The following ANKS1B variants were observed in gnomAD, a reference collection of about 807,000 sequenced individuals.
ANKS1B encodes ankyrin repeat and sterile alpha motif domain-containing protein 1B.
ANKS1B carries 36 observed loss-of-function variants against 148.3 expected under a neutral mutation model. The ratio of observed to expected loss-of-function variants is 0.24; its 90% CI spans 0.19 to 0.32. ANKS1B has a LOEUF of 0.32. Ranked by LOEUF, ANKS1B falls within the 10% of genes least tolerant of loss-of-function variation. ANKS1B has a pLI of 1.00. For missense variants in ANKS1B, 1,157 were observed against 1,542.6 expected (o/e 0.75, Z 4.19); for synonymous variants, 542 against 560.8 (o/e 0.97, Z 0.47).
chr12:99,275,918 G>T (rs1268828072), intron 12 of ANKS1B, among the ~76,000 whole-genome samples: 1 of 152,112 alleles, frequency 6.6e-6, no homozygotes, highest in Non-Finnish European at 1.5e-5. Context: ...TAAAAGAAAA[G>T]AAATGATTTT....
intron 16 of ANKS1B, among the ~76,000 whole-genome samples, chr12:99,077,970 A>G (rs929998535): frequency 5.9e-5 from 9 of 152,188 alleles, no homozygotes; most frequent in Non-Finnish European, 1.2e-4. Context: ...CTGGCCCCCA[A>G]TGCTTTGTTT....
chr12:99,830,236 A>T (rs1020319996), intron 1 of ANKS1B, among the ~76,000 whole-genome samples: 1 of 152,212 alleles, frequency 6.6e-6, no homozygotes, highest in Non-Finnish European at 1.5e-5. Flanking sequence ...AAAAATATAT[A>T]CAGATAAATT....
chr12:99,767,530 A>C (rs932154992), intron 8 of ANKS1B, among the ~76,000 whole-genome samples: 2 of 152,178 alleles, frequency 1.3e-5, no homozygotes, highest in African/African-American at 4.8e-5. Flanking sequence ...TTGTTTATAC[A>C]CATGGAGGAA....
chr12:98,767,146 G>A (rs961641802), intron 25 of ANKS1B, among the ~76,000 whole-genome samples: 1 of 152,058 alleles, frequency 6.6e-6, no homozygotes, highest in African/African-American at 2.4e-5. Context: ...TTAAACTGAT[G>A]AGAAAACCAA....
At chr12:99,515,908 G>A (rs982154309) in intron 9 of ANKS1B, among the ~76,000 whole-genome samples, 1 of 152,080 alleles carries the variant, frequency 6.6e-6, no homozygotes, top group Non-Finnish European at 1.5e-5. Context: ...TGTCTCTGAC[G>A]ATCAGTGATG....
At chr12:99,435,938 G>A (rs932156493) in intron 11 of ANKS1B, among the ~76,000 whole-genome samples, 3 of 151,926 alleles carry the variant, frequency 2.0e-5, no homozygotes, top group Non-Finnish European at 2.9e-5. Flanking sequence ...ATTTGTCAAC[G>A]TTGACTGTTG....
At chr12:99,005,285 T>C (rs534884248) in intron 17 of ANKS1B, among the ~76,000 whole-genome samples, 1 of 152,090 alleles carries the variant, frequency 6.6e-6, no homozygotes, top group South Asian at 2.1e-4. Flanking sequence ...GTCGCTGTTG[T>C]TGCTGTGGCC....
intron 17 of ANKS1B, among the ~76,000 whole-genome samples, chr12:99,006,206 C>T (rs1443801686): frequency 6.6e-6 from 1 of 152,232 alleles, no homozygotes; most frequent in Non-Finnish European, 1.5e-5. Flanking sequence ...AAGTTTATTT[C>T]TGTAACTTAT....
At chr12:99,470,239 G>T (rs2096218464) in intron 10 of ANKS1B, among the ~76,000 whole-genome samples, 1 of 151,850 alleles carries the variant, frequency 6.6e-6, no homozygotes, top group Non-Finnish European at 1.5e-5. Flanking sequence ...TTTCATTATG[G>T]TATACTGTAT....
At chr12:98,929,952 A>G (rs1240855551) in intron 17 of ANKS1B, among the ~76,000 whole-genome samples, 1 of 152,148 alleles carries the variant, frequency 6.6e-6, no homozygotes, top group African/African-American at 2.4e-5. Context: ...CATCAAAATT[A>G]AAAACTTTTT....
At chr12:99,274,661 A>G (rs2077462992) in intron 12 of ANKS1B, among the ~76,000 whole-genome samples, 2 of 152,152 alleles carry the variant, frequency 1.3e-5, no homozygotes, top group Admixed American at 1.3e-4. Flanking sequence ...TCTGCCTGCT[A>G]CTTGGTTCAA....
At chr12:99,528,302 A>C (rs890860289) in intron 9 of ANKS1B, among the ~76,000 whole-genome samples, 8 of 152,112 alleles carry the variant, frequency 5.3e-5, no homozygotes, top group African/African-American at 9.7e-5. Context: ...ACCACTCTGG[A>C]CATAGAACTA....
intron 12 of ANKS1B, among the ~76,000 whole-genome samples, chr12:99,320,748 C>G (rs1327445984): frequency 1.3e-5 from 2 of 152,176 alleles, no homozygotes; most frequent in South Asian, 2.1e-4. Flanking sequence ...TGGCAAGGAG[C>G]TGTGTTCCTT....
intron 8 of ANKS1B, among the ~76,000 whole-genome samples, chr12:99,663,477 C>T (rs1333817023): frequency 2.0e-5 from 3 of 152,132 alleles, no homozygotes; most frequent in Admixed American, 6.5e-5. Context: ...ACCATTTGTT[C>T]CATGTTAGTA....
At chr12:99,466,230 T>C (rs183128228) in intron 10 of ANKS1B, among the ~76,000 whole-genome samples, 1 of 152,270 alleles carries the variant, frequency 6.6e-6, no homozygotes, top group Non-Finnish European at 1.5e-5. Context: ...AAGAAGGTCT[T>C]TGAAACCAAC....
intron 8 of ANKS1B, among the ~76,000 whole-genome samples, chr12:99,749,308 T>C (rs1182474965): frequency 1.3e-5 from 2 of 152,014 alleles, no homozygotes; most frequent in Non-Finnish European, 2.9e-5. Flanking sequence ...TTGGCCAGGA[T>C]TATTAAGCAA....
At chr12:99,896,590 T>G (rs923821521) in intron 1 of ANKS1B, among the ~76,000 whole-genome samples, 19 of 151,232 alleles carry the variant, frequency 1.3e-4, no homozygotes, top group African/African-American at 4.6e-4. Context: ...CCATCTCTGG[T>G]GCAAATTCCA....
At chr12:99,592,247 C>T (rs752132078) in intron 9 of ANKS1B, among the ~76,000 whole-genome samples, 42 of 152,014 alleles carry the variant, frequency 2.8e-4, no homozygotes, top group Non-Finnish European at 2.5e-4. Flanking sequence ...ACACGAAATG[C>T]TCTTTATTTT....
At chr12:99,393,664 A>C (rs2094150062) in intron 12 of ANKS1B, among the ~76,000 whole-genome samples, 1 of 152,174 alleles carries the variant, frequency 6.6e-6, no homozygotes, top group Non-Finnish European at 1.5e-5. Flanking sequence ...AATTGCTGAT[A>C]ATTATAATCA....
Sources: allele counts gnomAD v4.1 joint callset (sites outside exome capture counted in the v4.1 genomes callset), GRCh38; gene constraint gnomAD v4.1.1; transcripts MANE v1.5; gene names NCBI Gene and HGNC (gene_info 2026-07-23, HGNC 2026-07-21).